The following SLC35D4 variants were observed in gnomAD, a reference collection of about 807,000 sequenced individuals.
SLC35D4 encodes the protein solute carrier family 35 member D4.
At chr18:23,294,034 C>G in the SLC35D4 span, among the ~76,000 whole-genome samples, 4 of 152,082 alleles carry the variant, frequency 2.6e-5, no homozygotes, top group Non-Finnish European at 5.9e-5. Flanking sequence ...TGGGTTCAAT[C>G]AATCCTCCCA....
chr18:23,299,482 T>G, the SLC35D4 span, among the ~76,000 whole-genome samples: 1 of 152,090 alleles, frequency 6.6e-6, no homozygotes, highest in Non-Finnish European at 1.5e-5. Context: ...TTCACATGCG[T>G]CTCCATGGGC....
At chr18:23,385,769 T>C in the SLC35D4 span, among the ~76,000 whole-genome samples, 3 of 152,008 alleles carry the variant, frequency 2.0e-5, no homozygotes, top group African/African-American at 7.3e-5. Flanking sequence ...TTAGAGGAAC[T>C]TGGGCTGCAG....
chr18:23,278,456 T>C, the SLC35D4 span, among the ~76,000 whole-genome samples: 3 of 152,188 alleles, frequency 2.0e-5, no homozygotes, highest in East Asian at 3.9e-4. Context: ...AGGAGCAGAA[T>C]AGCAATTTAC....
the SLC35D4 span, among the ~76,000 whole-genome samples, chr18:23,414,531 G>C: frequency 6.6e-6 from 1 of 151,980 alleles, no homozygotes; most frequent in African/African-American, 2.4e-5. Flanking sequence ...AAATAAGCCA[G>C]GTGTGGTGGT....
At chr18:23,436,764 G>A in the SLC35D4 span, among the ~76,000 whole-genome samples, 3 of 152,166 alleles carry the variant, frequency 2.0e-5, no homozygotes, top group African/African-American at 4.8e-5. Context: ...CTGCACTCCA[G>A]CCTGGGTGAC....
At chr18:23,326,654 G>C in the SLC35D4 span, among the ~76,000 whole-genome samples, 2 of 152,140 alleles carry the variant, frequency 1.3e-5, no homozygotes, top group Non-Finnish European at 1.5e-5. Context: ...AAGACAGAAG[G>C]TTAACAAGGA....
the SLC35D4 span, among the ~76,000 whole-genome samples, chr18:23,363,269 A>G: frequency 1.5e-5 from 2 of 134,072 alleles, no homozygotes; most frequent in East Asian, 2.2e-4. Flanking sequence ...AAAAAAAAAA[A>G]AGAATTATTC....
chr18:23,391,205 A>T, the SLC35D4 span, among the ~76,000 whole-genome samples: 1 of 151,776 alleles, frequency 6.6e-6, no homozygotes, highest in South Asian at 2.1e-4. Flanking sequence ...CCTGGGTGAC[A>T]GAGCAAGACT....
the SLC35D4 span, chr18:23,385,037 C>T: frequency 5.0e-6 from 8 of 1,613,570 alleles, no homozygotes; most frequent in Non-Finnish European, 6.8e-6. Flanking sequence ...ACTTCAGCTA[C>T]ATTATGCAAA....
At chr18:23,397,158 T>C in the SLC35D4 span, among the ~76,000 whole-genome samples, 1 of 152,132 alleles carries the variant, frequency 6.6e-6, no homozygotes, top group Non-Finnish European at 1.5e-5. Flanking sequence ...GCTCTCCATA[T>C]CTGGGACCCA....
chr18:23,374,578 C>T, the SLC35D4 span, among the ~76,000 whole-genome samples: 7 of 151,722 alleles, frequency 4.6e-5, no homozygotes, highest in African/African-American at 7.3e-5. Context: ...CTCCGCCTCC[C>T]GGGTTCAAGC....
At chr18:23,309,684 C>T in the SLC35D4 span, 2 of 1,613,992 alleles carry the variant, frequency 1.2e-6, no homozygotes, top group Non-Finnish European at 1.7e-6. Flanking sequence ...ACTTACCATC[C>T]CGTGGTTGCA....
chr18:23,290,539 T>C, the SLC35D4 span, among the ~76,000 whole-genome samples: 1 of 152,192 alleles, frequency 6.6e-6, no homozygotes, highest in Non-Finnish European at 1.5e-5. Flanking sequence ...GAAGAGAAAT[T>C]CCTCATCTTC....
chr18:23,411,218 G>T, the SLC35D4 span, among the ~76,000 whole-genome samples: 2 of 145,794 alleles, frequency 1.4e-5, no homozygotes, highest in Non-Finnish European at 3.0e-5. Context: ...AAGAAAGAGA[G>T]GGGAGGGGAG....
At chr18:23,336,282 G>A in the SLC35D4 span, among the ~76,000 whole-genome samples, 9 of 152,064 alleles carry the variant, frequency 5.9e-5, no homozygotes, top group Admixed American at 2.6e-4. Flanking sequence ...GTTTCCATGC[G>A]AATGGCAGCT....
the SLC35D4 span, among the ~76,000 whole-genome samples, chr18:23,246,461 G>T: frequency 7.2e-5 from 11 of 151,778 alleles, no homozygotes; most frequent in Admixed American, 3.9e-4. Flanking sequence ...GCAAGATCTT[G>T]GCTCACTGCA....
At chr18:23,426,082 C>A in the SLC35D4 span, among the ~76,000 whole-genome samples, 1 of 152,024 alleles carries the variant, frequency 6.6e-6, no homozygotes, top group Non-Finnish European at 1.5e-5. Flanking sequence ...TTGCACCATA[C>A]ACTAAATTAA....
At chr18:23,287,530 C>T in the SLC35D4 span, among the ~76,000 whole-genome samples, 1 of 152,174 alleles carries the variant, frequency 6.6e-6, no homozygotes, top group South Asian at 2.1e-4. Flanking sequence ...TGATCATGTC[C>T]GACTAATCTC....
the SLC35D4 span, among the ~76,000 whole-genome samples, chr18:23,402,364 T>C: frequency 6.6e-6 from 1 of 152,118 alleles, no homozygotes. Context: ...CAATGGAAAA[T>C]CATAGAGTAT....
Sources: allele counts gnomAD v4.1 joint callset (sites outside exome capture counted in the v4.1 genomes callset), GRCh38; gene constraint gnomAD v4.1.1; transcripts MANE v1.5; gene names NCBI Gene and HGNC (gene_info 2026-07-23, HGNC 2026-07-21).